Variants in CCNB3 observed in about 807,000 individuals in gnomAD.
The protein encoded by CCNB3 is G2/mitotic-specific cyclin-B3.
In CCNB3, 12 loss-of-function variants were observed where a neutral mutation model predicts 68.0. That is an observed-to-expected ratio of 0.18 (90% CI 0.11 to 0.29). The LOEUF (loss-of-function observed/expected upper bound fraction) is 0.29. Ranked by LOEUF, CCNB3 falls within the 10% of genes least tolerant of loss-of-function variation. CCNB3 has a pLI of 1.00. For missense variants in CCNB3, 904 were observed against 993.1 expected, an observed-to-expected ratio of 0.91 and a Z score of 1.21; for synonymous variants, 354 against 388.9, an observed-to-expected ratio of 0.91 and a Z score of 1.06.
chrX:50,334,000 G>T (rs782047960), intron 8 of CCNB3, among the ~76,000 whole-genome samples: 83 of 112,118 alleles, frequency 7.4e-4, no homozygotes, highest in African/African-American at 2.6e-3. Flanking sequence ...GGTTAGAAAG[G>T]CATATCGAGA....
At chrX:50,280,205 T>G (rs1936106978) in intron 1 of CCNB3, among the ~76,000 whole-genome samples, 1 of 91,613 alleles carries the variant, frequency 1.1e-5, no homozygotes, top group South Asian at 4.7e-4. Flanking sequence ...AACATATAAA[T>G]ATATTTTTAG....
chrX:50,228,025 A>AAT (rs1181709306), intron 1 of CCNB3, among the ~76,000 whole-genome samples: 2 of 85,924 alleles, frequency 2.3e-5, no homozygotes, highest in East Asian at 3.3e-4. Flanking sequence ...ATATAGAGAG[A>AAT]ATATATATAG....
chrX:50,226,585 CAAATATATATATAGAATATATCTAT>C (rs1344529569), intron 1 of CCNB3, among the ~76,000 whole-genome samples: 212 of 13,996 alleles, frequency 0.015, no homozygotes, highest in African/African-American at 0.019. Flanking sequence ...AGAATACATA[CAAATATATATATAGAATATATCTAT>C]AAATATATAT....
At chrX:50,343,015 A>G (rs1923213517) in intron 9 of CCNB3, among the ~76,000 whole-genome samples, 1 of 111,678 alleles carries the variant, frequency 9.0e-6, no homozygotes, top group Non-Finnish European at 1.9e-5. Flanking sequence ...CCTGGTTTAG[A>G]GTATACTATT....
At chrX:50,228,788 T>C (rs1479361712) in intron 1 of CCNB3, among the ~76,000 whole-genome samples, 178 of 75,493 alleles carry the variant, frequency 2.4e-3, no homozygotes, top group African/African-American at 9.2e-3. Context: ...ATATAGAATA[T>C]ATATATAGAA....
intron 9 of CCNB3, among the ~76,000 whole-genome samples, chrX:50,344,719 G>A (rs17003326): frequency 3.6e-5 from 4 of 111,535 alleles, no homozygotes; most frequent in Non-Finnish European, 5.6e-5. Context: ...AGAAAATGGC[G>A]TGATGTTGAT....
chrX:50,287,768 C>T (rs1344718171), intron 3 of CCNB3, among the ~76,000 whole-genome samples: 2 of 110,206 alleles, frequency 1.8e-5, no homozygotes, highest in Non-Finnish European at 3.8e-5. Context: ...AAAACGGGTC[C>T]CCAACCCCTG....
chrX:50,226,188 T>TTTATATATATAC (rs1935768276), intron 1 of CCNB3, among the ~76,000 whole-genome samples: 1 of 70,171 alleles, frequency 1.4e-5, no homozygotes, highest in African/African-American at 6.3e-5. Context: ...TATAGATATA[T>TTTATATATATAC]AAATATATAT....
At chrX:50,301,747 G>A (rs1374478726) in intron 5 of CCNB3, among the ~76,000 whole-genome samples, 2 of 112,866 alleles carry the variant, frequency 1.8e-5, no homozygotes, top group East Asian at 2.8e-4. Context: ...GCCTACAGAG[G>A]CAGGCAGGCC....
intron 1 of CCNB3, among the ~76,000 whole-genome samples, chrX:50,226,014 A>G (rs1935752446): frequency 2.4e-5 from 2 of 82,387 alleles, no homozygotes; most frequent in Admixed American, 1.7e-4. Context: ...TATATAGAAT[A>G]TATACAAAAA....
chrX:50,295,119 G>A, intron 5 of CCNB3, 126 bp downstream of exon 5: 2 of 697,038 alleles, frequency 2.9e-6, no homozygotes, highest in Non-Finnish European at 4.1e-6. Flanking sequence ...GGGTGCTGAG[G>A]TGGGCTCAGC....
At position 50,309,517 on chromosome X, in the gene CCNB3, A is replaced by G. The variant is rs1557214228; in HGVS notation, c.1348A>G (p.Ile450Val). Reference protein sequence around the residue: ...KKHTTQEEVSILKEPSSLLKS... With the variant: ...KKHTTQEEVSVLKEPSSLLKS... ...GCACACCACTCAGGAGGAGGTTTCC[A>G]TCTTAAAGGAGCCCTCGTCCTTGCT... The change falls in exon 6 of 13, where the codon ATC becomes GTC. Residue 450 changes from isoleucine to valine, a missense_variant. Physicochemically the swap from Ile to Val is conservative, Grantham distance 29. Around this residue, in one of 2 missense-constraint regions of CCNB3, gnomAD observed 619 missense variants for 609.8 expected, o/e 1.02. Coordinates refer to ENST00000376042, the MANE Select transcript of CCNB3 (RefSeq NM_033031.3). The G allele has an allele frequency of 1.7e-6, 2 of 1,211,561 alleles. No individual in the cohort carries two copies. The highest frequency in any genetic ancestry group is 3.5e-5 in the African/African-American group (2 of 57,757).
Position 50,311,064 on chromosome X carries a change from A to G in CCNB3, c.2895A>G (p.Thr965=), listed in dbSNP as rs1557214833. ...PTYKEDTFLK[T]LLVPQVGTSP... is the part of the protein sequence containing the mutation. ...ACAAGGAAGACACCTTTCTCAAAAC[A>G]TTGTTGGTCCCCCAAGTTGGAACCA... The change falls in exon 6 of 13, where the codon ACA becomes ACG. Residue 965 remains threonine (T), a synonymous_variant. Coordinates refer to ENST00000376042, the MANE Select transcript of CCNB3 (RefSeq NM_033031.3). The G allele has an allele frequency of 8.3e-7, 1 of 1,209,614 alleles. No homozygotes were observed.
intron 1 of CCNB3, among the ~76,000 whole-genome samples, chrX:50,228,801 G>GATATATAGAATAT (rs1378045083): frequency 1.2e-4 from 5 of 43,406 alleles, no homozygotes; most frequent in Non-Finnish European, 2.1e-4. Context: ...ATATAGAATA[G>GATATATAGAATAT]ATATATAGAA....
intron 9 of CCNB3, among the ~76,000 whole-genome samples, chrX:50,345,303 T>C (rs73497507): frequency 0.023 from 2,419 of 107,374 alleles, 63 homozygotes; most frequent in African/African-American, 0.08. Context: ...TTGTTTCCTC[T>C]CTCCCTCCCT....
chrX:50,279,541 T>A (rs1936051545), intron 1 of CCNB3, among the ~76,000 whole-genome samples: 1 of 84,526 alleles, frequency 1.2e-5, no homozygotes, highest in Non-Finnish European at 2.2e-5. Flanking sequence ...GAATATATAT[T>A]CATATATATA....
intron 1 of CCNB3, among the ~76,000 whole-genome samples, chrX:50,226,134 TAAA>T (rs1390536710): frequency 1.3e-5 from 1 of 77,063 alleles, no homozygotes; most frequent in East Asian, 3.8e-4. Flanking sequence ...TCGATATATA[TAAA>T]TATATATTCT....
At chrX:50,341,381 A>C (rs1419616432) in intron 8 of CCNB3, among the ~76,000 whole-genome samples, 1 of 108,808 alleles carries the variant, frequency 9.2e-6, no homozygotes, top group African/African-American at 3.3e-5. Context: ...ATAAGTAAAA[A>C]TTTAAAAATA....
chrX:50,223,567 CCT>C (rs1315294238), intron 1 of CCNB3, among the ~76,000 whole-genome samples: 2,580 of 111,681 alleles, frequency 0.023, 65 homozygotes, highest in African/African-American at 0.081. Flanking sequence ...CACTCCAGAC[CCT>C]GTTTGCTTGG....
Sources: gnomAD v4.1 joint callset for allele counts (sites outside exome capture counted in the v4.1 genomes callset) on GRCh38, gnomAD v4.1.1 for gene constraint, gnomAD v4.1.1 regional missense constraint, MANE v1.5 for transcripts, NCBI Gene and HGNC (gene_info 2026-07-23, HGNC 2026-07-21) for gene names.